Variants in EPM2A observed in about 807,000 individuals in gnomAD.
EPM2A encodes laforin.
EPM2A carries 21 observed loss-of-function variants against 26.5 expected under a neutral mutation model. That is an observed-to-expected ratio of 0.79 (90% CI 0.56 to 1.14). The LOEUF is 1.14. Ranked by LOEUF, EPM2A falls within the 50% of genes most tolerant of loss-of-function variation. The probability of loss-of-function intolerance (pLI) is 0.00; values close to 1 mark genes in which losing one functional copy is unlikely to be tolerated. For synonymous variants in EPM2A, 217 were observed against 177.6 expected, an observed-to-expected ratio of 1.22 and a Z score of -1.76; for missense variants, 458 against 440.8, an observed-to-expected ratio of 1.04 and a Z score of -0.35.
chr6:145,568,390 G>A (rs1366960597), intron 2 of EPM2A, among the ~76,000 whole-genome samples: 1 of 149,764 alleles, frequency 6.7e-6, no homozygotes, highest in Non-Finnish European at 1.5e-5. Context: ...CATGATCTCT[G>A]CTCACTGCAG....
intron 2 of EPM2A, among the ~76,000 whole-genome samples, chr6:145,517,691 C>T (rs1242077259): frequency 2.0e-5 from 3 of 152,100 alleles, no homozygotes; most frequent in Non-Finnish European, 4.4e-5. Context: ...GCAGTGTCTG[C>T]GAAGGGAACA....
intron 4 of EPM2A, among the ~76,000 whole-genome samples, chr6:145,467,130 A>G (rs1003009239): frequency 6.6e-6 from 1 of 152,066 alleles, no homozygotes; most frequent in Non-Finnish European, 1.5e-5. Flanking sequence ...GTACCCTAAA[A>G]CTTAAAGTAT....
downstream of EPM2A, among the ~76,000 whole-genome samples, chr6:145,623,044 T>C (rs1187334499): frequency 3.3e-5 from 5 of 152,222 alleles, no homozygotes; most frequent in East Asian, 5.8e-4. Flanking sequence ...GACTGATACA[T>C]GTGAAGCACT....
intron 1 of EPM2A, among the ~76,000 whole-genome samples, chr6:145,713,814 A>T (rs931731304): frequency 6.6e-6 from 1 of 152,236 alleles, no homozygotes; most frequent in Non-Finnish European, 1.5e-5. Flanking sequence ...TTATTTTAAA[A>T]GTGAAAACAG....
At chr6:145,631,483 G>A (rs979010619) in intron 3 of EPM2A, 4 of 152,152 alleles carry the variant, frequency 2.6e-5, no homozygotes, top group Admixed American at 2.6e-4. Flanking sequence ...TTCTGACTCT[G>A]TAATTTAATA....
chr6:145,511,884 TC>T (rs1172181828), intron 2 of EPM2A, among the ~76,000 whole-genome samples: 1 of 152,198 alleles, frequency 6.6e-6, no homozygotes, highest in East Asian at 1.9e-4. Flanking sequence ...TCTGGAAGAT[TC>T]CCAGATCTGA....
chr6:145,567,353 T>C (rs1780897599), intron 2 of EPM2A, among the ~76,000 whole-genome samples: 1 of 152,228 alleles, frequency 6.6e-6, no homozygotes, highest in Non-Finnish European at 1.5e-5. Flanking sequence ...GAACACTAGC[T>C]ACTGCCACAC....
At chr6:145,488,170 G>C (rs1193275258) in intron 4 of EPM2A, among the ~76,000 whole-genome samples, 1 of 151,998 alleles carries the variant, frequency 6.6e-6, no homozygotes, top group African/African-American at 2.4e-5. Flanking sequence ...CTGTTCCATT[G>C]GTCTAGGTGA....
At chr6:145,424,048 G>A (rs142072135) in intron 4 of EPM2A, among the ~76,000 whole-genome samples, 1,690 of 152,214 alleles carry the variant, frequency 0.011, 17 homozygotes, top group Non-Finnish European at 0.016. Context: ...TAAACTAAGT[G>A]AACATAGCAT....
intron 4 of EPM2A, among the ~76,000 whole-genome samples, chr6:145,399,379 T>G (rs1157209627): frequency 2.0e-5 from 3 of 152,162 alleles, no homozygotes; most frequent in Non-Finnish European, 4.4e-5. Context: ...ATGGGACATG[T>G]TGTAATCAAA....
chr6:145,471,923 C>T (rs912103788), intron 4 of EPM2A, among the ~76,000 whole-genome samples: 2 of 151,702 alleles, frequency 1.3e-5, no homozygotes, highest in Non-Finnish European at 2.9e-5. Flanking sequence ...GCTGGGGTGG[C>T]TCCAGGAGTG....
intron 1 of EPM2A, among the ~76,000 whole-genome samples, chr6:145,715,314 G>A (rs1420272075): frequency 6.6e-6 from 1 of 152,004 alleles, no homozygotes; most frequent in Non-Finnish European, 1.5e-5. Flanking sequence ...CTCTGACTGG[G>A]ACCATATAGA....
At chr6:145,448,807 T>C (rs1582763819) in intron 4 of EPM2A, among the ~76,000 whole-genome samples, 1 of 152,188 alleles carries the variant, frequency 6.6e-6, no homozygotes, top group East Asian at 1.9e-4. Context: ...AGATAATTTG[T>C]ACACTTATTT....
intron 4 of EPM2A, among the ~76,000 whole-genome samples, chr6:145,478,129 C>T (rs2114730959): frequency 6.6e-6 from 1 of 151,852 alleles, no homozygotes; most frequent in East Asian, 1.9e-4. Context: ...TTTCTATATG[C>T]CAACAATGAA....
chr6:145,392,628 G>A (rs1562317854), intron 4 of EPM2A, among the ~76,000 whole-genome samples: 2 of 151,980 alleles, frequency 1.3e-5, no homozygotes, highest in Non-Finnish European at 2.9e-5. Flanking sequence ...TCCTCCCTCT[G>A]GTCTAAAACT....
intron 2 of EPM2A, among the ~76,000 whole-genome samples, chr6:145,524,383 G>A (rs527421228): frequency 1.1e-4 from 17 of 152,204 alleles, no homozygotes; most frequent in East Asian, 9.7e-4. Context: ...ATGGCTGAAC[G>A]AATTTACATT....
intron 2 of EPM2A, among the ~76,000 whole-genome samples, chr6:145,644,663 T>A (rs1033167369): frequency 6.6e-6 from 1 of 152,046 alleles, no homozygotes; most frequent in African/African-American, 2.4e-5. Flanking sequence ...GAACAGAGGA[T>A]AAATATTATA....
chr6:145,689,030 T>TA (rs1200830366), intron 1 of EPM2A, among the ~76,000 whole-genome samples: 1 of 152,234 alleles, frequency 6.6e-6, no homozygotes, highest in African/African-American at 2.4e-5. Flanking sequence ...TATTACCTAT[T>TA]AAAAATATAA....
intron 4 of EPM2A, among the ~76,000 whole-genome samples, chr6:145,418,244 G>C (rs1478100324): frequency 2.6e-5 from 4 of 152,212 alleles, no homozygotes; most frequent in Non-Finnish European, 5.9e-5. Flanking sequence ...TGAGAGATCG[G>C]AGACAAATGG....
Sources: gnomAD v4.1 joint callset for allele counts (sites outside exome capture counted in the v4.1 genomes callset) on GRCh38, gnomAD v4.1.1 for gene constraint, MANE v1.5 for transcripts, NCBI Gene and HGNC (gene_info 2026-07-23, HGNC 2026-07-21) for gene names.